NLGN1: variants seen among roughly 807,000 people sequenced by gnomAD.
NLGN1 encodes the protein neuroligin-1.
In NLGN1, 12 loss-of-function variants were observed where a neutral mutation model predicts 65.5. That is an observed-to-expected ratio of 0.18 (90% confidence interval 0.12 to 0.30). The LOEUF is 0.30. NLGN1 is among the 10% of genes least tolerant of loss of function. The pLI, the probability that NLGN1 is intolerant of heterozygous loss-of-function variation, is 1.00. For missense variants in NLGN1, 750 were observed against 1,007.1 expected (o/e 0.74, Z 3.46); for synonymous variants, 350 against 359.5 (o/e 0.97, Z 0.30).
chr3:173,488,902 C>CTTT (rs528549330), intron 2 of NLGN1, among the ~76,000 whole-genome samples: 1,539 of 143,992 alleles, frequency 0.011, 28 homozygotes, highest in African/African-American at 0.038. Flanking sequence ...CTTCAGCTTT[C>CTTT]TTTTTTTTTT....
intron 3 of NLGN1, among the ~76,000 whole-genome samples, chr3:173,671,240 C>T (rs924651872): frequency 1.3e-5 from 2 of 152,152 alleles, no homozygotes; most frequent in African/African-American, 4.8e-5. Context: ...GTGGCTGAGG[C>T]CTGTAATCCA....
intron 3 of NLGN1, among the ~76,000 whole-genome samples, chr3:173,699,928 T>C (rs2149873038): frequency 6.6e-6 from 1 of 152,252 alleles, no homozygotes; most frequent in East Asian, 1.9e-4. Context: ...GTCACAGAGG[T>C]ACTATTTAGT....
chr3:173,730,742 C>A (rs1437316640), intron 3 of NLGN1, among the ~76,000 whole-genome samples: 1 of 151,940 alleles, frequency 6.6e-6, no homozygotes, highest in African/African-American at 2.4e-5. Flanking sequence ...AAATTGTTTT[C>A]TCAACTATTC....
chr3:174,042,413 T>C (rs559738700), intron 4 of NLGN1, among the ~76,000 whole-genome samples: 3 of 152,326 alleles, frequency 2.0e-5, no homozygotes, highest in Admixed American at 1.3e-4. Flanking sequence ...TGTTGAGATT[T>C]ATTTTTTACC....
chr3:173,396,913 C>G (rs1193160478), upstream of NLGN1, among the ~76,000 whole-genome samples: 6 of 152,308 alleles, frequency 3.9e-5, 1 homozygote, highest in East Asian at 9.6e-4. Context: ...AAATGCGTCT[C>G]TCTTTCCCAG....
intron 4 of NLGN1, among the ~76,000 whole-genome samples, chr3:173,834,058 A>C (rs1414745803): frequency 6.6e-6 from 1 of 152,304 alleles, no homozygotes; most frequent in East Asian, 1.9e-4. Context: ...ACATGAAAGA[A>C]AAAAATCAAA....
At chr3:174,265,730 A>AAAAC (rs1747974009) in intron 4 of NLGN1, among the ~76,000 whole-genome samples, 2 of 148,946 alleles carry the variant, frequency 1.3e-5, no homozygotes, top group South Asian at 4.2e-4. Context: ...ATTGTATAAC[A>AAAAC]AAATACTCTT....
At chr3:173,455,382 C>T (rs985676887) in intron 2 of NLGN1, among the ~76,000 whole-genome samples, 1 of 152,078 alleles carries the variant, frequency 6.6e-6, no homozygotes, top group African/African-American at 2.4e-5. Context: ...GAGGGATCCA[C>T]CCCCATGACC....
intron 4 of NLGN1, among the ~76,000 whole-genome samples, chr3:174,256,311 A>G (rs969451788): frequency 3.9e-5 from 6 of 152,236 alleles, no homozygotes; most frequent in East Asian, 1.9e-4. Flanking sequence ...TTGCTTAATC[A>G]TCTTCTCTAC....
At chr3:173,458,107 G>A (rs1722794241) in intron 2 of NLGN1, among the ~76,000 whole-genome samples, 1 of 152,056 alleles carries the variant, frequency 6.6e-6, no homozygotes, top group African/African-American at 2.4e-5. Context: ...TAGAAGAGGA[G>A]TAAGGACTGA....
chr3:173,718,735 A>G (rs1770299952), intron 3 of NLGN1, among the ~76,000 whole-genome samples: 1 of 152,192 alleles, frequency 6.6e-6, no homozygotes, highest in Admixed American at 6.6e-5. Flanking sequence ...CCTATTCAAT[A>G]TATGGCTTTA....
intron 4 of NLGN1, among the ~76,000 whole-genome samples, chr3:174,255,987 A>AT (rs1310249525): frequency 4.6e-5 from 7 of 152,182 alleles, no homozygotes; most frequent in Non-Finnish European, 8.8e-5. Context: ...TTATTAAAAA[A>AT]TTATAAAGGA....
chr3:173,675,426 G>A (rs990455904), intron 3 of NLGN1, among the ~76,000 whole-genome samples: 5 of 150,932 alleles, frequency 3.3e-5, no homozygotes, highest in African/African-American at 1.2e-4. Flanking sequence ...GGTAGCAGAA[G>A]TAAATTGAAC....
chr3:174,086,699 C>CA (rs1234989066), intron 4 of NLGN1, among the ~76,000 whole-genome samples: 2 of 151,538 alleles, frequency 1.3e-5, no homozygotes, highest in Non-Finnish European at 2.9e-5. Context: ...AAAACTATCC[C>CA]AAAACTTTAA....
chr3:173,632,728 C>T (rs1247516416), intron 3 of NLGN1, among the ~76,000 whole-genome samples: 4 of 151,940 alleles, frequency 2.6e-5, no homozygotes, highest in African/African-American at 9.7e-5. Flanking sequence ...CCAATCCTTC[C>T]TTTTTGAGAT....
chr3:174,178,789 C>T (rs1036614212), intron 4 of NLGN1, among the ~76,000 whole-genome samples: 3 of 152,020 alleles, frequency 2.0e-5, no homozygotes, highest in Non-Finnish European at 2.9e-5. Flanking sequence ...TATACTGAGC[C>T]TGACTTCCAG....
At chr3:173,808,318 C>A (rs908066112) in intron 4 of NLGN1, among the ~76,000 whole-genome samples, 8 of 151,942 alleles carry the variant, frequency 5.3e-5, no homozygotes, top group Non-Finnish European at 1.0e-4. Context: ...TAATATTTTT[C>A]TGAATGTATT....
chr3:173,794,242 G>A (rs543693160), intron 3 of NLGN1, among the ~76,000 whole-genome samples: 2 of 152,122 alleles, frequency 1.3e-5, no homozygotes, highest in South Asian at 4.1e-4. Context: ...CTTTTTCCTT[G>A]ACACTTATCA....
chr3:174,243,182 C>T (rs1418317442), intron 4 of NLGN1, among the ~76,000 whole-genome samples: 1 of 152,174 alleles, frequency 6.6e-6, no homozygotes, highest in Non-Finnish European at 1.5e-5. Flanking sequence ...CACATATAGA[C>T]ATTTCTAATA....
Sources: allele counts gnomAD v4.1 joint callset (sites outside exome capture counted in the v4.1 genomes callset), GRCh38; gene constraint gnomAD v4.1.1; transcripts MANE v1.5; gene names NCBI Gene and HGNC (gene_info 2026-07-23, HGNC 2026-07-21).